The following CNTNAP2 variants were observed in gnomAD, a reference collection of about 807,000 sequenced individuals.
The protein encoded by CNTNAP2 is contactin-associated protein-like 2.
Under a neutral mutation model 155.2 loss-of-function variants are expected in CNTNAP2, and 98 were observed. That is an observed-to-expected ratio of 0.63 (90% CI 0.54 to 0.75). CNTNAP2 has a LOEUF of 0.75. CNTNAP2 is among the 30% of genes least tolerant of loss of function. The pLI is 0.00. For synonymous variants in CNTNAP2, 651 were observed against 631.2 expected, an observed-to-expected ratio of 1.03 and a Z score of -0.47; for missense variants, 1,727 against 1,688.1, an observed-to-expected ratio of 1.02 and a Z score of -0.40.
intron 3 of CNTNAP2, among the ~76,000 whole-genome samples, chr7:146,857,563 G>A (rs1446762326): frequency 1.3e-5 from 2 of 152,244 alleles, no homozygotes; most frequent in Non-Finnish European, 2.9e-5. Flanking sequence ...CTAATAAGTG[G>A]TGTTCTCCAG....
intron 3 of CNTNAP2, among the ~76,000 whole-genome samples, chr7:147,024,648 C>G (rs931064301): frequency 6.6e-6 from 1 of 152,074 alleles, no homozygotes; most frequent in African/African-American, 2.4e-5. Flanking sequence ...ATGAATGGGT[C>G]CTTGCACTAT....
At chr7:146,778,630 C>A (rs1285555528) in intron 2 of CNTNAP2, among the ~76,000 whole-genome samples, 1 of 152,184 alleles carries the variant, frequency 6.6e-6, no homozygotes, top group East Asian at 1.9e-4. Context: ...GATACAAAAC[C>A]TTTGAAAGTT....
intron 1 of CNTNAP2, among the ~76,000 whole-genome samples, chr7:146,685,716 T>C (rs767381021): frequency 4.7e-5 from 7 of 149,552 alleles, no homozygotes; most frequent in Admixed American, 1.3e-4. Context: ...AAAAGGTTTC[T>C]AGGTGAATTA....
intron 9 of CNTNAP2, among the ~76,000 whole-genome samples, chr7:147,381,743 T>C (rs1355553467): frequency 2.6e-5 from 4 of 152,128 alleles, no homozygotes; most frequent in Non-Finnish European, 5.9e-5. Context: ...TACGTTCTTG[T>C]AAATCTCTTT....
chr7:146,868,337 G>T (rs372603972), intron 3 of CNTNAP2, among the ~76,000 whole-genome samples: 1 of 151,908 alleles, frequency 6.6e-6, no homozygotes, highest in Non-Finnish European at 1.5e-5. Context: ...AGATGTGTGG[G>T]CTTACTTCTG....
intron 1 of CNTNAP2, among the ~76,000 whole-genome samples, chr7:146,751,949 A>G (rs921637239): frequency 3.9e-5 from 6 of 152,112 alleles, no homozygotes; most frequent in African/African-American, 1.4e-4. Context: ...TTCAAAGGAC[A>G]TGAGCTCATT....
chr7:147,931,097 C>T (rs932088164), intron 14 of CNTNAP2, among the ~76,000 whole-genome samples: 11 of 151,364 alleles, frequency 7.3e-5, no homozygotes, highest in South Asian at 2.1e-4. Flanking sequence ...AAAAGAAGAA[C>T]GCAAATCAAC....
intron 2 of CNTNAP2, among the ~76,000 whole-genome samples, chr7:146,793,193 A>G (rs1244226791): frequency 6.6e-6 from 1 of 152,206 alleles, no homozygotes; most frequent in Admixed American, 6.5e-5. Flanking sequence ...CTTCATCTAT[A>G]TTTAAATTTC....
At chr7:147,875,440 C>G (rs1799406840) in intron 13 of CNTNAP2, among the ~76,000 whole-genome samples, 1 of 152,068 alleles carries the variant, frequency 6.6e-6, no homozygotes, top group African/African-American at 2.4e-5. Flanking sequence ...AAAACCCAGC[C>G]CCATGATTCA....
At chr7:148,403,166 A>G (rs978633883) in intron 22 of CNTNAP2, among the ~76,000 whole-genome samples, 1 of 143,366 alleles carries the variant, frequency 7.0e-6, no homozygotes, top group Admixed American at 6.9e-5. Flanking sequence ...CGTTCCTGGG[A>G]GAAGACTCTC....
Position 147,886,475 on chromosome 7 carries a change from CAA to C in CNTNAP2, c.2099-17063_2099-17062del, listed in dbSNP as rs532837902. Reference sequence around the variant, plus strand: ...GGGCAACAAGAGGGAAACTCCATCTCAAAAAAAAAAAAAAAAAAAAAAAAAAA... The same window carrying C: ...GGGCAACAAGAGGGAAACTCCATCTCAAAAAAAAAAAAAAAAAAAAAAAAA... On this transcript the variant is annotated intron_variant, in intron 13 of 23. Transcript: ENST00000361727. 3.6e-3 allele frequency among the ~76,000 whole-genome samples: 142 copies of C among 39,700 alleles called. No homozygotes were observed. In the East Asian group the frequency reaches 0.076, roughly 21 times the overall value. The allele number at this position is 39,700 out of a possible 152,430, so 26.0% of individuals were successfully genotyped here. A position where few individuals can be genotyped will look rare whatever the true frequency, so the allele number is the denominator to read the frequency against.
rs568200306 is a variant in CNTNAP2 at position 147,818,552 on chromosome 7, G to A, written c.2099-85013G>A. Among the ~76,000 whole-genome samples, 32 of 152,280 alleles carry A rather than the reference G, an allele frequency of 2.1e-4. 1 individual carries two copies. The East Asian group carries it at 4.1e-3, about 19-fold the overall frequency. On this transcript the variant is annotated intron_variant, in intron 13 of 23. Coordinates refer to ENST00000361727, the MANE Select transcript of CNTNAP2 (RefSeq NM_014141.6). ...CCATGGGTGTCCTAAAAGGAAGCAC[G>A]TGGTCTGTTGGGAGATGCAGACAGC...
At chr7:146,209,677 C>T (rs750912181) in intron 1 of CNTNAP2, among the ~76,000 whole-genome samples, 12 of 151,794 alleles carry the variant, frequency 7.9e-5, no homozygotes, top group Non-Finnish European at 1.8e-4. Context: ...GATTTTTGTG[C>T]TAGTACTTAA....
intron 1 of CNTNAP2, among the ~76,000 whole-genome samples, chr7:146,186,143 C>A (rs907334764): frequency 7.9e-5 from 12 of 152,070 alleles, no homozygotes; most frequent in Admixed American, 2.6e-4. Flanking sequence ...AAAATGTGTG[C>A]TAAATTCTAC....
chr7:147,110,032 C>T (rs893020829), intron 5 of CNTNAP2, among the ~76,000 whole-genome samples: 1 of 152,132 alleles, frequency 6.6e-6, no homozygotes, highest in African/African-American at 2.4e-5. Context: ...TTAAGTGATG[C>T]TCCTGCCTCA....
At chr7:147,947,796 T>G (rs1426263452) in intron 14 of CNTNAP2, among the ~76,000 whole-genome samples, 2 of 152,198 alleles carry the variant, frequency 1.3e-5, no homozygotes, top group Non-Finnish European at 2.9e-5. Context: ...AAGAGCCATA[T>G]TTTTGGAGGA....
At chr7:146,514,493 C>G (rs981069491) in intron 1 of CNTNAP2, among the ~76,000 whole-genome samples, 6 of 152,030 alleles carry the variant, frequency 3.9e-5, no homozygotes, top group African/African-American at 1.4e-4. Flanking sequence ...TCTGGTTGAT[C>G]AGTCCTGCTG....
intron 21 of CNTNAP2, among the ~76,000 whole-genome samples, chr7:148,282,317 G>A (rs1022031879): frequency 1.3e-5 from 2 of 152,180 alleles, no homozygotes; most frequent in Non-Finnish European, 2.9e-5. Context: ...TTTGAACATT[G>A]AGGGTCAGGC....
At chr7:146,232,020 T>A (rs928998253) in intron 1 of CNTNAP2, among the ~76,000 whole-genome samples, 2 of 152,168 alleles carry the variant, frequency 1.3e-5, no homozygotes, top group African/African-American at 4.8e-5. Flanking sequence ...CTGTTTTCTA[T>A]ACCCATGCTA....
Sources: gnomAD v4.1 joint callset for allele counts (sites outside exome capture counted in the v4.1 genomes callset) on GRCh38, gnomAD v4.1.1 for gene constraint, MANE v1.5 for transcripts, NCBI Gene and HGNC (gene_info 2026-07-23, HGNC 2026-07-21) for gene names.